The following BAALC variants were observed in gnomAD, a reference collection of about 807,000 sequenced individuals.
BAALC encodes the protein brain and acute leukemia cytoplasmic protein.
BAALC carries 9 observed loss-of-function variants against 15.5 expected under a neutral mutation model. That is an observed-to-expected ratio of 0.58 (90% CI 0.35 to 1.02). The LOEUF (loss-of-function observed/expected upper bound fraction) is 1.02. Ranked by LOEUF, BAALC falls within the 50% of genes least tolerant of loss-of-function variation. The pLI is 0.02. For missense variants in BAALC, 201 were observed against 192.4 expected (o/e 1.04, Z -0.27); for synonymous variants, 80 against 74.6 (o/e 1.07, Z -0.37).
At chr8:103,185,122 G>T (rs534035786) in intron 1 of BAALC, among the ~76,000 whole-genome samples, 31 of 152,022 alleles carry the variant, frequency 2.0e-4, no homozygotes, top group Non-Finnish European at 3.5e-4. Flanking sequence ...GCTTGATTTG[G>T]TATCTTTATA....
intron 2 of BAALC, among the ~76,000 whole-genome samples, chr8:103,217,775 C>G (rs187968423): frequency 6.6e-6 from 1 of 152,146 alleles, no homozygotes; most frequent in African/African-American, 2.4e-5. Context: ...CCTTGCGAGG[C>G]CTGGAAAATT....
At chr8:103,180,269 CA>C in intron 1 of BAALC, among the ~76,000 whole-genome samples, 1 of 152,320 alleles carries the variant, frequency 6.6e-6, no homozygotes, top group African/African-American at 2.4e-5. Flanking sequence ...GTGTTGAGAG[CA>C]TGGTGGTGCC....
Position 103,229,051 on chromosome 8 carries a change from A to C in BAALC, c.*952A>C, listed in dbSNP as rs1586451116. Reference sequence around the variant, plus strand: ...CCTTGGCCTCTCTGTACACTGCCCCAGGACTGTCATTTTGGCATCTGCAAA... The same window carrying C: ...CCTTGGCCTCTCTGTACACTGCCCCCGGACTGTCATTTTGGCATCTGCAAA... On this transcript the variant is annotated 3_prime_UTR_variant, in exon 3 of 3. Transcript: ENST00000309982. 1 of 152,398 alleles carries C rather than the reference A, an allele frequency of 6.6e-6. No homozygotes were observed. Among genetic ancestry groups the C allele is most frequent in the African/African-American group, 2.4e-5 (1 of 41,468 alleles). The allele number at this position is 152,398 out of a possible 1,614,324, so 9.4% of individuals were successfully genotyped here. A position where few individuals can be genotyped will look rare whatever the true frequency, so the allele number is the denominator to read the frequency against.
At chr8:103,149,572 C>T (rs1047433157) in intron 1 of BAALC, among the ~76,000 whole-genome samples, 6 of 152,116 alleles carry the variant, frequency 3.9e-5, no homozygotes, top group East Asian at 1.9e-4. Flanking sequence ...GCATCTTATA[C>T]GTGAAGGTGA....
At chr8:103,203,607 C>G (rs1242538347) in intron 1 of BAALC, among the ~76,000 whole-genome samples, 1 of 152,134 alleles carries the variant, frequency 6.6e-6, no homozygotes, top group Admixed American at 6.5e-5. Flanking sequence ...AACCCCCAGC[C>G]CTACATAACC....
At chr8:103,143,232 C>G (rs764158083) in intron 1 of BAALC, among the ~76,000 whole-genome samples, 1 of 152,014 alleles carries the variant, frequency 6.6e-6, no homozygotes, top group African/African-American at 2.4e-5. Flanking sequence ...TTTCAGCCAC[C>G]CTGGGAGACT....
At chr8:103,162,917 G>C (rs1442786277) in intron 1 of BAALC, among the ~76,000 whole-genome samples, 1 of 152,160 alleles carries the variant, frequency 6.6e-6, no homozygotes, top group Non-Finnish European at 1.5e-5. Flanking sequence ...ATCAGTCCCT[G>C]TTCCCCCAAG....
chr8:103,194,728 G>C (rs556137055), intron 1 of BAALC, among the ~76,000 whole-genome samples: 113 of 152,264 alleles, frequency 7.4e-4, no homozygotes, highest in African/African-American at 2.6e-3. Context: ...TCAGTGTTTG[G>C]GGAAGACCCA....
intron 1 of BAALC, among the ~76,000 whole-genome samples, chr8:103,197,120 T>C (rs1164320567): frequency 6.6e-6 from 1 of 152,222 alleles, no homozygotes; most frequent in Non-Finnish European, 1.5e-5. Flanking sequence ...TTCATTTATT[T>C]TGATGACACC....
intron 1 of BAALC, among the ~76,000 whole-genome samples, chr8:103,201,731 G>C (rs889799300): frequency 3.9e-5 from 6 of 152,192 alleles, no homozygotes; most frequent in Non-Finnish European, 8.8e-5. Context: ...ATTTAGCTGA[G>C]AGACTGCAAC....
At chr8:103,158,422 T>A (rs955028859) in intron 1 of BAALC, among the ~76,000 whole-genome samples, 15 of 152,180 alleles carry the variant, frequency 9.9e-5, no homozygotes, top group African/African-American at 3.6e-4. Flanking sequence ...CTATATATAT[T>A]GTTCTTCCTT....
chr8:103,148,662 G>C (rs573607954), intron 1 of BAALC, among the ~76,000 whole-genome samples: 1 of 151,784 alleles, frequency 6.6e-6, no homozygotes, highest in African/African-American at 2.4e-5. Flanking sequence ...TTTTGTAACC[G>C]GCCTGCTGAT....
chr8:103,217,525 G>A (rs975009827), intron 2 of BAALC, among the ~76,000 whole-genome samples: 1 of 152,010 alleles, frequency 6.6e-6, no homozygotes. Context: ...TCAGTATCTG[G>A]CTCAGTCAGT....
chr8:103,159,262 T>A (rs1034784002), intron 1 of BAALC, among the ~76,000 whole-genome samples: 1 of 152,214 alleles, frequency 6.6e-6, no homozygotes, highest in African/African-American at 2.4e-5. Context: ...ACCTGATCTA[T>A]CCTTTATAAA....
Position 103,228,749 on chromosome 8 carries a change from C to A in BAALC, c.*650C>A, listed in dbSNP as rs967948264. The A allele has an allele frequency of 1.3e-5, 2 of 152,302 alleles. No homozygotes were observed. The highest frequency in any genetic ancestry group is 4.8e-5 in the African/African-American group (2 of 41,450). 9.4% of individuals were successfully genotyped at this position (152,302 alleles called of 1,614,324 possible). A position where few individuals can be genotyped will look rare whatever the true frequency, so the allele number is the denominator to read the frequency against. ...GGGAGGTGTCTGTGAAGCAGTCATACCTGCTCCTCATCTGCCTGGAAAGTC... is the reference window on the plus strand; with the variant it reads ...GGGAGGTGTCTGTGAAGCAGTCATAACTGCTCCTCATCTGCCTGGAAAGTC... On this transcript the variant is annotated 3_prime_UTR_variant, in exon 3 of 3. Transcript: ENST00000309982.
chr8:103,177,513 C>T (rs1051175086), intron 1 of BAALC, among the ~76,000 whole-genome samples: 3 of 152,102 alleles, frequency 2.0e-5, no homozygotes, highest in Non-Finnish European at 4.4e-5. Flanking sequence ...AGCCACCTAT[C>T]CCATGCAAAA....
intron 1 of BAALC, among the ~76,000 whole-genome samples, chr8:103,189,506 T>G (rs1811918772): frequency 1.3e-5 from 2 of 152,130 alleles, no homozygotes; most frequent in African/African-American, 2.4e-5. Flanking sequence ...ACAGCCCAGC[T>G]GGGGGGAGAA....
rs568791513 is a variant in BAALC, at chr8:103,183,833, G to A, written c.161-29086G>A. The stretch of plus-strand genomic sequence containing the variant: ...GGTATTAACTGAATTCCTGGGCATG[G>A]TCCCTGAAAACAGAATGGGAAACTC... On this transcript the variant is annotated intron_variant, in intron 1 of 2. Coordinates refer to ENST00000309982, the MANE Select transcript of BAALC (RefSeq NM_024812.3). 2.6e-5 allele frequency among the ~76,000 whole-genome samples: 4 copies of A among 152,322 alleles called. No homozygotes were observed. In the East Asian group the frequency reaches 7.7e-4, roughly 29 times the overall value.
intron 1 of BAALC, among the ~76,000 whole-genome samples, chr8:103,180,694 G>A (rs976252676): frequency 9.8e-5 from 15 of 152,312 alleles, no homozygotes; most frequent in South Asian, 4.1e-4. Context: ...GATGCTGCCC[G>A]CCAGTTCTTT....
Sources: gnomAD v4.1 joint callset for allele counts (sites outside exome capture counted in the v4.1 genomes callset) on GRCh38, gnomAD v4.1.1 for gene constraint, MANE v1.5 for transcripts, NCBI Gene and HGNC (gene_info 2026-07-23, HGNC 2026-07-21) for gene names.